POLR2H: variants seen among roughly 807,000 people sequenced by gnomAD.
POLR2H encodes DNA-directed RNA polymerases I, II, and III subunit RPABC3.
POLR2H carries 3 observed loss-of-function variants against 18.1 expected under a neutral mutation model. The ratio of observed to expected loss-of-function variants is 0.17; its 90% CI spans 0.08 to 0.43. The LOEUF is 0.43. Among genes scored for constraint, POLR2H ranks in the 20% least tolerant of loss-of-function variants. POLR2H has a pLI of 0.99. For synonymous variants in POLR2H, 76 were observed against 69.0 expected (o/e 1.10, Z -0.50); for missense variants, 103 against 184.6 (o/e 0.56, Z 2.56).
intron 5 of POLR2H, among the ~76,000 whole-genome samples, chr3:184,367,226 C>G (rs1487542830): frequency 6.6e-6 from 1 of 150,484 alleles, no homozygotes; most frequent in South Asian, 2.1e-4. Context: ...GCTATTTTTT[C>G]TTTTCTTTAA....
At position 184,368,287 on chromosome 3, in the gene POLR2H, C is replaced by T. The variant is rs1279567605; in HGVS notation, c.446C>T (p.Ala149Val). ...SRVYLLMKKL[A>V]F ...GTTTATCTCCTGATGAAGAAGCTAGCCTTCTGAACCTCGCCTGAAGCCAGC... is the reference window on the plus strand; with the variant it reads ...GTTTATCTCCTGATGAAGAAGCTAGTCTTCTGAACCTCGCCTGAAGCCAGC... The change falls in exon 6 of 6, where the codon GCC becomes GTC. Residue 149 changes from alanine to valine, a missense_variant. By Grantham distance (64) the Ala-to-Val change is moderately conservative. Coordinates refer to ENST00000456318, the MANE Select transcript of POLR2H (RefSeq NM_006232.5). The T allele has an allele frequency of 6.3e-7, 1 of 1,591,128 alleles. No homozygotes were observed. Among genetic ancestry groups the T allele is most frequent in the African/African-American group, 1.3e-5 (1 of 74,338 alleles).
chr3:184,365,811 A>C (rs1160243398), intron 4 of POLR2H, among the ~76,000 whole-genome samples: 3 of 151,500 alleles, frequency 2.0e-5, no homozygotes, highest in Non-Finnish European at 4.4e-5. Flanking sequence ...GTCTCTACTA[A>C]AAATACAAAA....
chr3:184,366,150 C>T (rs185413671), intron 4 of POLR2H, among the ~76,000 whole-genome samples: 394 of 152,106 alleles, frequency 2.6e-3, no homozygotes, highest in Non-Finnish European at 3.3e-3. Flanking sequence ...GACTTTGGCA[C>T]CCCACTTGAG....
chr3:184,367,825 A>G (rs1238194345), intron 5 of POLR2H, among the ~76,000 whole-genome samples: 11 of 152,210 alleles, frequency 7.2e-5, no homozygotes, highest in Admixed American at 5.9e-4. Flanking sequence ...CAATAGTTGC[A>G]TAACATTTCA....
intron 4 of POLR2H, among the ~76,000 whole-genome samples, chr3:184,365,959 G>C (rs1219635492): frequency 2.1e-5 from 3 of 143,866 alleles, no homozygotes; most frequent in African/African-American, 7.8e-5. Flanking sequence ...CTGGGCGACA[G>C]AGCGAGACTC....
rs532793217 is a variant in POLR2H at position 184,362,234 on chromosome 3, G to C, written c.-621+88G>C. 4.6e-5 allele frequency: 7 copies of C among 152,492 alleles called. No individual in the cohort carries two copies. The highest frequency in any genetic ancestry group is 1.7e-4 in the African/African-American group (7 of 41,572). 9.4% of individuals were successfully genotyped at this position (152,492 alleles called of 1,614,324 possible). A position where few individuals can be genotyped will look rare whatever the true frequency, so the allele number is the denominator to read the frequency against. ...CGGAAGGGGTAGGCCGGAGGGAAGG[G>C]AGCTCCAGGTGCCGGGAAGTCTACT... On this transcript the variant is annotated intron_variant, in intron 1 of 5. Coordinates refer to ENST00000456318, the MANE Select transcript of POLR2H (RefSeq NM_006232.5). The surrounding 1 kb of genome is among the most constrained non-coding windows in gnomAD (Gnocchi z 5.9).
intron 5 of POLR2H, 81 bp downstream of exon 5, chr3:184,366,881 A>G: frequency 2.3e-6 from 2 of 853,656 alleles, no homozygotes; most frequent in Non-Finnish European, 4.0e-6. Context: ...TCCTCTGTTG[A>G]GTCCCTCTCC....
At chr3:184,363,697 A>G in intron 2 of POLR2H, 132 bp downstream of exon 2, 1 of 652,058 alleles carries the variant, frequency 1.5e-6, no homozygotes, top group Non-Finnish European at 2.7e-6. Context: ...TCCCTCAGTA[A>G]ACATTTTATG....
Position 184,365,295 on chromosome 3 carries a change from A to C in POLR2H, c.251+69A>C, listed in dbSNP as rs914223455. On this transcript the variant is annotated intron_variant, in intron 4 of 5. Transcript: ENST00000456318. ...CTAAGTAGATAAGTGATATAGAAAG[A>C]CTCTTCTAAAATTCCTGGAATAAAT... The C allele has an allele frequency of 1.8e-5, 17 of 934,848 alleles. No individual in the cohort carries two copies. In the African/African-American group the frequency reaches 2.6e-4, roughly 14 times the overall value. 57.9% of individuals were successfully genotyped at this position (934,848 alleles called of 1,614,324 possible).
rs751170793 is a variant in POLR2H at position 184,368,291 on chromosome 3, C to T, written c.450C>T (p.Phe150=). The change falls in exon 6 of 6, where the codon TTC becomes TTT. Residue 150 remains phenylalanine, a synonymous_variant. Coordinates refer to ENST00000456318, the MANE Select transcript of POLR2H (RefSeq NM_006232.5). ...RVYLLMKKLA[F] ...ATCTCCTGATGAAGAAGCTAGCCTT[C>T]TGAACCTCGCCTGAAGCCAGCCTCT... 10 of 1,588,312 alleles carry T rather than the reference C, an allele frequency of 6.3e-6. No homozygotes were observed. The South Asian group carries it at 1.1e-4, about 18-fold the overall frequency.
At chr3:184,366,893 C>T in intron 5 of POLR2H, 93 bp downstream of exon 5, 1 of 771,366 alleles carries the variant, frequency 1.3e-6, no homozygotes, top group Non-Finnish European at 2.3e-6. Flanking sequence ...TCCCTCTCCT[C>T]AGGCACCTCA....
chr3:184,367,496 T>TC (rs1378520958), intron 5 of POLR2H, among the ~76,000 whole-genome samples: 3 of 151,670 alleles, frequency 2.0e-5, no homozygotes, highest in African/African-American at 4.8e-5. Context: ...TCTTTTCTTT[T>TC]TTTTTTTTGA....
chr3:184,367,178 C>G (rs546122519), intron 5 of POLR2H, among the ~76,000 whole-genome samples: 1 of 151,216 alleles, frequency 6.6e-6, no homozygotes, highest in East Asian at 1.9e-4. Flanking sequence ...TGTGGCTACT[C>G]TGTAACCCAA....
chr3:184,365,478 T>A, intron 4 of POLR2H: 3 of 441,778 alleles, frequency 6.8e-6, no homozygotes, highest in Non-Finnish European at 1.2e-5. Context: ...CTGAGCAACA[T>A]AGCGAAACCT....
At chr3:184,365,385 GC>G in intron 4 of POLR2H, 159 bp downstream of exon 4, 1 of 650,594 alleles carries the variant, frequency 1.5e-6, no homozygotes. Context: ...AACAGGCCAG[GC>G]ACCGTGGCTC....
Position 184,363,247 on chromosome 3 carries a change from G to T in POLR2H, c.-246G>T, listed in dbSNP as rs1211205673. The stretch of plus-strand genomic sequence containing the variant: ...GCAGAGCCACCTGGACATGAGACCC[G>T]CCCTCAATGCCGAAGCCTCTCGGAA... On this transcript the variant is annotated 5_prime_UTR_variant, in exon 2 of 6. Coordinates refer to ENST00000456318, the MANE Select transcript of POLR2H (RefSeq NM_006232.5). 1 of 563,878 alleles carries T rather than the reference G, an allele frequency of 1.8e-6. No homozygotes were observed. Among genetic ancestry groups the T allele is most frequent in the South Asian group, 1.9e-5 (1 of 52,294 alleles). The allele number at this position is 563,878 out of a possible 1,614,324, so 34.9% of individuals were successfully genotyped here.
In POLR2H at chr3:184,363,399, G is replaced by T; in HGVS notation, c.-94G>T. 9.5e-7 allele frequency: 1 copy of T among 1,050,452 alleles called. No individual in the cohort carries two copies. Among genetic ancestry groups the T allele is most frequent in the Non-Finnish European group, 1.5e-6 (1 of 680,842 alleles). 65.1% of individuals were successfully genotyped at this position (1,050,452 alleles called of 1,614,324 possible). The stretch of plus-strand genomic sequence containing the variant: ...CGCCGCGCTTTCAGGAGGTGCTTTT[G>T]GTTCTCTCCGGTCTTGTCCACGCTA... On this transcript the variant is annotated 5_prime_UTR_variant, in exon 2 of 6. Transcript: ENST00000456318.
intron 4 of POLR2H, among the ~76,000 whole-genome samples, chr3:184,366,206 C>T (rs1020854859): frequency 1.3e-5 from 2 of 152,082 alleles, no homozygotes; most frequent in African/African-American, 4.8e-5. Context: ...ACCTTAATCT[C>T]CTTCAGCCTG....
At position 184,363,547 on chromosome 3, in the gene POLR2H, G is replaced by A. The variant is rs1712675383; in HGVS notation, c.55G>A (p.Gly19Ser). The A allele has an allele frequency of 6.2e-7, 1 of 1,613,926 alleles. No individual in the cohort carries two copies. The highest frequency in any genetic ancestry group is 1.3e-5 in the African/African-American group (1 of 74,922). ...IFDVKDIDPE[G>S]KKFDRVSRLH... Reference sequence around the variant, plus strand: ...CGATGTGAAGGATATTGACCCGGAGGGCAAGAAGTTTGACCGAGGTAAGTA... The same window carrying A: ...CGATGTGAAGGATATTGACCCGGAGAGCAAGAAGTTTGACCGAGGTAAGTA... Residue 19 changes from glycine (G) to serine (S), a missense_variant, in exon 2 of 6, where the codon GGC (glycine) becomes AGC (serine). By Grantham distance (56) the Gly-to-Ser change is moderately conservative. Transcript: ENST00000456318.
Sources: allele counts gnomAD v4.1 joint callset (sites outside exome capture counted in the v4.1 genomes callset), GRCh38; gene constraint gnomAD v4.1.1; non-coding constraint Gnocchi (gnomAD v3.1); transcripts MANE v1.5; gene names NCBI Gene and HGNC (gene_info 2026-07-23, HGNC 2026-07-21).